MEIOB: variants seen among roughly 807,000 people sequenced by gnomAD.
The protein encoded by MEIOB is meiosis-specific with OB domain-containing protein.
MEIOB carries 50 observed loss-of-function variants against 53.1 expected under a neutral mutation model. The observed-to-expected ratio is 0.94, with a 90% CI of 0.75 to 1.19. The LOEUF (loss-of-function observed/expected upper bound fraction) is 1.19. Ranked by LOEUF, MEIOB falls within the 50% of genes most tolerant of loss-of-function variation. The pLI, the probability that MEIOB is intolerant of heterozygous loss-of-function variation, is 0.00. For synonymous variants in MEIOB, 192 were observed against 182.5 expected (o/e 1.05, Z -0.42); for missense variants, 551 against 550.8 (o/e 1.00, Z 0.00).
At chr16:1,848,894 G>C (rs1899091724) in intron 9 of MEIOB, among the ~76,000 whole-genome samples, 1 of 152,054 alleles carries the variant, frequency 6.6e-6, no homozygotes, top group African/African-American at 2.4e-5. Context: ...ATGGATTTCG[G>C]GTCCAGGAAT....
At chr16:1,837,622 C>T in intron 13 of MEIOB, 162 bp downstream of exon 13, 1 of 477,266 alleles carries the variant, frequency 2.1e-6, no homozygotes. Flanking sequence ...GAAAAAACCC[C>T]TGGCTATTTC....
At chr16:1,835,360 G>A (rs1168831401) in intron 13 of MEIOB, among the ~76,000 whole-genome samples, 3 of 152,124 alleles carry the variant, frequency 2.0e-5, no homozygotes, top group Admixed American at 1.3e-4. Context: ...CTCAATCTGT[G>A]AGACTACAGG....
intron 9 of MEIOB, among the ~76,000 whole-genome samples, chr16:1,850,725 C>T (rs942706388): frequency 7.9e-5 from 12 of 151,982 alleles, no homozygotes; most frequent in Non-Finnish European, 1.8e-4. Context: ...TTGAGACCAT[C>T]CTGGTTAACA....
intron 5 of MEIOB, among the ~76,000 whole-genome samples, chr16:1,859,098 C>A (rs936859357): frequency 6.6e-6 from 1 of 152,130 alleles, no homozygotes; most frequent in African/African-American, 2.4e-5. Context: ...AAAGCCAGGG[C>A]AAAATCCCAG....
At chr16:1,863,862 T>A (rs78971459) in intron 3 of MEIOB, among the ~76,000 whole-genome samples, 14 of 152,198 alleles carry the variant, frequency 9.2e-5, no homozygotes, top group African/African-American at 3.1e-4. Context: ...GTTTTGCTAA[T>A]TAAAAATTAC....
At chr16:1,860,527 C>T (rs976365074) in intron 4 of MEIOB, 52 bp from the exon 5 acceptor site, 8 of 1,019,854 alleles carry the variant, frequency 7.8e-6, no homozygotes, top group Non-Finnish European at 1.0e-5. Context: ...ACAAGATAAA[C>T]ACTAACATCC....
intron 10 of MEIOB, among the ~76,000 whole-genome samples, chr16:1,842,496 G>A (rs910278975): frequency 7.3e-5 from 11 of 150,102 alleles, no homozygotes; most frequent in African/African-American, 2.5e-4. Context: ...GGTGGTGCAT[G>A]CCTGTAATCC....
At chr16:1,853,931 G>A (rs1275997752) in intron 7 of MEIOB, among the ~76,000 whole-genome samples, 169 bp downstream of exon 7, 1 of 152,156 alleles carries the variant, frequency 6.6e-6, no homozygotes, top group Admixed American at 6.5e-5. Context: ...TTTTAAGGTG[G>A]TATCCATAAC....
chr16:1,850,126 A>G (rs1156294887), intron 9 of MEIOB, among the ~76,000 whole-genome samples: 2 of 152,300 alleles, frequency 1.3e-5, no homozygotes, highest in South Asian at 2.1e-4. Context: ...ACAACATCCT[A>G]TAATATCTGT....
chr16:1,870,124 A>G (rs1217264859), intron 1 of MEIOB, among the ~76,000 whole-genome samples: 1 of 151,444 alleles, frequency 6.6e-6, no homozygotes. Flanking sequence ...CACCCGCATC[A>G]GCCTCCCAAA....
chr16:1,855,381 A>G (rs991950167), intron 6 of MEIOB, among the ~76,000 whole-genome samples: 2 of 152,102 alleles, frequency 1.3e-5, no homozygotes, highest in Non-Finnish European at 2.9e-5. Flanking sequence ...GCAGTGAGCC[A>G]AGATCACGCC....
chr16:1,852,429 A>G (rs1899197314), intron 9 of MEIOB, among the ~76,000 whole-genome samples: 1 of 151,426 alleles, frequency 6.6e-6, no homozygotes. Flanking sequence ...CGCTCGGCTA[A>G]TTTTTCTATT....
chr16:1,859,530 G>A (rs1482793014), intron 5 of MEIOB, among the ~76,000 whole-genome samples: 1 of 152,160 alleles, frequency 6.6e-6, no homozygotes, highest in Non-Finnish European at 1.5e-5. Flanking sequence ...AACAGAGTGG[G>A]ACTCTGTCTC....
At chr16:1,862,695 T>C (rs965871882) in intron 3 of MEIOB, among the ~76,000 whole-genome samples, 1 of 151,510 alleles carries the variant, frequency 6.6e-6, no homozygotes, top group Admixed American at 6.6e-5. Flanking sequence ...CCGAGGCGGG[T>C]GGATCACCTG....
intron 9 of MEIOB, among the ~76,000 whole-genome samples, chr16:1,846,863 A>G (rs112582341): frequency 0.18 from 26,670 of 151,968 alleles, 2,487 homozygotes; most frequent in South Asian, 0.26. Flanking sequence ...GGGGCTTAAA[A>G]CCTAGATGAT....
At chr16:1,865,911 T>C in intron 2 of MEIOB, 76 bp from the exon 3 acceptor site, 1 of 952,796 alleles carries the variant, frequency 1.0e-6, no homozygotes, top group Non-Finnish European at 1.6e-6. Context: ...ATGGGCTTGT[T>C]ATACTTTACT....
At chr16:1,848,784 T>A (rs540146435) in intron 9 of MEIOB, among the ~76,000 whole-genome samples, 2 of 152,064 alleles carry the variant, frequency 1.3e-5, no homozygotes, top group Admixed American at 6.6e-5. Context: ...CCTCAAGTGA[T>A]CCGCCCACCT....
At chr16:1,845,737 C>T (rs1254282593) in intron 9 of MEIOB, among the ~76,000 whole-genome samples, 3 of 152,140 alleles carry the variant, frequency 2.0e-5, no homozygotes, top group Non-Finnish European at 4.4e-5. Context: ...AAAAGCCTAG[C>T]TCCCCACATT....
At position 1,841,836 on chromosome 16, in the gene MEIOB, C is replaced by A; in HGVS notation, c.1018G>T (p.Val340Leu). 1 of 1,584,188 alleles carries A rather than the reference C, an allele frequency of 6.3e-7. No individual in the cohort carries two copies. The highest frequency in any genetic ancestry group is 1.4e-5 in the African/African-American group (1 of 73,908). ...TLNIDDETTKVVRNRCSSCGY... is the reference protein window; with the variant it reads ...TLNIDDETTKLVRNRCSSCGY... Reference sequence around the variant, plus strand: ...GATCCTTACCATCTATTTCGAACTACTTTTGTAGTTTCATCATCAATGTTG... The same window carrying A: ...GATCCTTACCATCTATTTCGAACTAATTTTGTAGTTTCATCATCAATGTTG... The change falls in exon 11 of 14, where the codon GTA becomes TTA. Residue 340 changes from valine (V) to leucine (L), a missense_variant. Val to Leu is a conservative substitution (Grantham distance 32). Transcript: ENST00000325962.
Sources: allele counts gnomAD v4.1 joint callset (sites outside exome capture counted in the v4.1 genomes callset), GRCh38; gene constraint gnomAD v4.1.1; transcripts MANE v1.5; gene names NCBI Gene and HGNC (gene_info 2026-07-23, HGNC 2026-07-21).